The following ZNF592 variants were observed in gnomAD, a reference collection of about 807,000 sequenced individuals.
The protein encoded by ZNF592 is zinc finger protein 592.
In ZNF592, 11 loss-of-function variants were observed where a neutral mutation model predicts 80.3. The ratio of observed to expected loss-of-function variants is 0.14; its 90% CI spans 0.09 to 0.23. ZNF592 has a LOEUF of 0.23. Among genes scored for constraint, ZNF592 ranks in the 10% least tolerant of loss-of-function variants. ZNF592 has a pLI of 1.00. For missense variants in ZNF592, 1,420 were observed against 1,633.9 expected (o/e 0.87, Z 2.26); for synonymous variants, 646 against 640.3 (o/e 1.01, Z -0.13).
chr15:84,754,768 A>T (rs1899118332), intron 1 of ZNF592, among the ~76,000 whole-genome samples: 1 of 151,066 alleles, frequency 6.6e-6, no homozygotes, highest in Non-Finnish European at 1.5e-5. Context: ...ACTCTGGGGG[A>T]TGAAAAGGAT....
At chr15:84,765,913 C>T (rs1236252402) in intron 2 of ZNF592, among the ~76,000 whole-genome samples, 1 of 151,820 alleles carries the variant, frequency 6.6e-6, no homozygotes, top group East Asian at 1.9e-4. Context: ...AGGGGTGGGT[C>T]CCTATTGTGT....
At chr15:84,771,597 T>G (rs1899703901) in intron 2 of ZNF592, among the ~76,000 whole-genome samples, 2 of 152,272 alleles carry the variant, frequency 1.3e-5, no homozygotes, top group South Asian at 4.1e-4. Flanking sequence ...ACAGCAAATT[T>G]TATGGCAACA....
rs1428068048 is a variant in ZNF592, at chr15:84,802,083, C to T, written c.3494C>T (p.Ala1165Val). The change falls in exon 11 of 11, where the codon GCC (alanine) becomes GTC (valine). Residue 1165 changes from alanine to valine, a missense_variant. By Grantham distance (64) the Ala-to-Val change is moderately conservative. Coordinates refer to ENST00000560079, the MANE Select transcript of ZNF592 (RefSeq NM_014630.3). Reference protein sequence around the residue: ...CLLCGLCYTSASSLSRHLFIV... With the variant: ...CLLCGLCYTSVSSLSRHLFIV... ...CTCTGTGGTTTGTGCTACACCTCTG[C>T]CAGCTCCCTCAGCCGCCACCTCTTC... The T allele has an allele frequency of 6.2e-7, 1 of 1,613,434 alleles. No homozygotes were observed. The highest frequency in any genetic ancestry group is 1.7e-5 in the Admixed American group (1 of 59,954).
intron 2 of ZNF592, 90 bp downstream of exon 2, chr15:84,764,905 G>GTTT (rs201727475): frequency 1.1e-3 from 364 of 318,556 alleles, no homozygotes; most frequent in Non-Finnish European, 1.4e-3. Flanking sequence ...GTTTTGTTTT[G>GTTT]TTTTGTTTTT....
chr15:84,783,424 A>G lies in ZNF592; in HGVS notation c.749A>G (p.Asn250Ser), dbSNP rs751198636. 1 of 1,614,204 alleles carries G rather than the reference A, an allele frequency of 6.2e-7. No individual in the cohort carries two copies. The highest frequency in any genetic ancestry group is 8.5e-7 in the Non-Finnish European group (1 of 1,180,030). Reference protein sequence around the residue: ...EALEFNSHPSNSIGESKGLAR... With the variant: ...EALEFNSHPSSSIGESKGLAR... ...TTGGAGTTCAACAGCCATCCTAGCA[A>G]CAGTATTGGAGAGTCCAAGGGGCTT... is the stretch of plus-strand genomic sequence containing the variant. The change falls in exon 4 of 11, where the codon AAC becomes AGC. Residue 250 changes from asparagine to serine, a missense_variant. Coordinates refer to ENST00000560079, the MANE Select transcript of ZNF592 (RefSeq NM_014630.3). The surrounding 1 kb of genome is among the most constrained non-coding windows in gnomAD (Gnocchi z 5.0).
rs1271454523 is a variant in ZNF592 at position 84,798,906 on chromosome 15, G to A, written c.3024+31G>A. 6.3e-7 allele frequency: 1 copy of A among 1,598,248 alleles called. No individual in the cohort carries two copies. Among genetic ancestry groups the A allele is most frequent in the South Asian group, 1.1e-5 (1 of 90,894 alleles). On this transcript the variant is annotated intron_variant, in intron 8 of 10. Coordinates refer to ENST00000560079, the MANE Select transcript of ZNF592 (RefSeq NM_014630.3). This position sits in a 1 kb window ranked among gnomAD's most constrained non-coding sequence, Gnocchi z 4.5. ...TGCAGCCACACAGTCATAATGCAGA[G>A]CCCAGTCCTCTGGACTTCCTTCTGT...
At position 84,799,445 on chromosome 15, in the gene ZNF592, C is replaced by T. The variant is rs1335817698; in HGVS notation, c.3137+235C>T. Among the ~76,000 whole-genome samples the T allele has an allele frequency of 6.6e-6, 1 of 152,158 alleles. No homozygotes were observed. On this transcript the variant is annotated intron_variant, in intron 9 of 10. Transcript: ENST00000560079. This position sits in a 1 kb window ranked among gnomAD's most constrained non-coding sequence, Gnocchi z 4.2. ...CTCTCTAGCCCAGGACTGCACAGCC[C>T]ATCAGTCACGAAGCATCCTGAGGTT...
intron 5 of ZNF592, among the ~76,000 whole-genome samples, chr15:84,791,139 A>ATT (rs1181213179): frequency 3.9e-5 from 6 of 152,236 alleles, no homozygotes; most frequent in Non-Finnish European, 8.8e-5. Flanking sequence ...TTAGACATAT[A>ATT]ATACTTTGTC....
chr15:84,793,963 C>T (rs1962822083), intron 5 of ZNF592, among the ~76,000 whole-genome samples: 1 of 152,112 alleles, frequency 6.6e-6, no homozygotes, highest in South Asian at 2.1e-4. Flanking sequence ...AATAATGCTG[C>T]TGAAGAACAT....
At chr15:84,794,141 G>A (rs1020615103) in intron 5 of ZNF592, among the ~76,000 whole-genome samples, 12 of 152,156 alleles carry the variant, frequency 7.9e-5, no homozygotes, top group Admixed American at 3.3e-4. Flanking sequence ...ACCTAATGTA[G>A]AAGACGGGTT....
At chr15:84,789,309 C>T (rs1045306368) in intron 4 of ZNF592, among the ~76,000 whole-genome samples, 1 of 151,652 alleles carries the variant, frequency 6.6e-6, no homozygotes, top group African/African-American at 2.4e-5. Context: ...GTACATACCA[C>T]ATTTTATTTA....
intron 1 of ZNF592, among the ~76,000 whole-genome samples, chr15:84,761,409 G>C (rs531079387): frequency 6.6e-6 from 1 of 152,324 alleles, no homozygotes; most frequent in East Asian, 1.9e-4. Flanking sequence ...GGCAGACATG[G>C]GATGGAGCAG....
intron 4 of ZNF592, 64 bp from the exon 5 acceptor site, chr15:84,790,641 C>T: frequency 3.2e-6 from 5 of 1,565,280 alleles, no homozygotes; most frequent in Non-Finnish European, 3.5e-6. Flanking sequence ...ACCAGACAGC[C>T]CTGATTGGAG....
chr15:84,778,258 G>T lies in ZNF592; in HGVS notation c.-74G>T. On this transcript the variant is annotated 5_prime_UTR_variant, in exon 3 of 11. It adds an upstream start codon to the 5' untranslated region. Coordinates refer to ENST00000560079, the MANE Select transcript of ZNF592 (RefSeq NM_014630.3). ...GCTCCCCCGTACGGAGACAGAGGGA[G>T]GGGGGGCTCCAAAGCCGAAAGAGGA... The T allele has an allele frequency of 3.5e-6, 1 of 282,242 alleles. No homozygotes were observed. Among genetic ancestry groups the T allele is most frequent in the Non-Finnish European group, 7.0e-6 (1 of 142,670 alleles). 17.5% of individuals were successfully genotyped at this position (282,242 alleles called of 1,614,324 possible).
At chr15:84,765,620 C>T (rs1006695529) in intron 2 of ZNF592, among the ~76,000 whole-genome samples, 2 of 132,038 alleles carry the variant, frequency 1.5e-5, no homozygotes, top group Admixed American at 8.9e-5. Context: ...CTCACTGAAA[C>T]CTCCACCTCC....
chr15:84,793,103 G>A (rs1404105597), intron 5 of ZNF592, among the ~76,000 whole-genome samples: 1 of 151,220 alleles, frequency 6.6e-6, no homozygotes, highest in African/African-American at 2.4e-5. Flanking sequence ...TAAAGATGGA[G>A]TCTCGCTGTG....
chr15:84,773,758 G>A (rs960553728), intron 2 of ZNF592, among the ~76,000 whole-genome samples: 2 of 151,664 alleles, frequency 1.3e-5, no homozygotes, highest in Non-Finnish European at 2.9e-5. Context: ...AAAAAATAGA[G>A]CTCTAATTTT....
chr15:84,779,990 T>G (rs75241055), intron 3 of ZNF592, among the ~76,000 whole-genome samples: 2 of 123,216 alleles, frequency 1.6e-5, no homozygotes, highest in African/African-American at 3.0e-5. Flanking sequence ...GACAGTTTTG[T>G]TTTTTTTTTT....
chr15:84,797,684 G>A (rs943662307), intron 5 of ZNF592, among the ~76,000 whole-genome samples, 185 bp from the exon 6 acceptor site: 3 of 152,210 alleles, frequency 2.0e-5, no homozygotes, highest in African/African-American at 7.2e-5. Flanking sequence ...GCCACATTGT[G>A]CTAGACTGTA....
Sources: gnomAD v4.1 joint callset for allele counts (sites outside exome capture counted in the v4.1 genomes callset) on GRCh38, gnomAD v4.1.1 for gene constraint, Gnocchi (gnomAD v3.1) non-coding constraint, MANE v1.5 for transcripts, NCBI Gene and HGNC (gene_info 2026-07-23, HGNC 2026-07-21) for gene names.